The following SGSM1 variants were observed in gnomAD, a reference collection of about 807,000 sequenced individuals.
SGSM1 encodes RUN and TBC1 domain containing 2.
A neutral mutation model predicts 133.8 loss-of-function variants in SGSM1; 73 were observed. The observed-to-expected ratio is 0.55, with a 90% CI of 0.45 to 0.66. The LOEUF is 0.66. SGSM1 is among the 30% of genes least tolerant of loss of function. SGSM1 has a pLI of 0.00. For missense variants in SGSM1, 1,213 were observed against 1,448.1 expected (o/e 0.84, Z 2.64); for synonymous variants, 563 against 573.0 (o/e 0.98, Z 0.25).
chr22:24,862,818 C>T (rs534589035), intron 9 of SGSM1, among the ~76,000 whole-genome samples: 143 of 152,282 alleles, frequency 9.4e-4, no homozygotes, highest in African/African-American at 2.7e-3. Context: ...GTATGTCACT[C>T]CACCTCAATG....
intron 2 of SGSM1, among the ~76,000 whole-genome samples, chr22:24,809,384 A>G (rs1260126602): frequency 6.6e-6 from 1 of 152,218 alleles, no homozygotes; most frequent in African/African-American, 2.4e-5. Context: ...GTCTGTGTGT[A>G]TATCTGTCTT....
At chr22:24,845,370 C>T (rs935231343) in intron 3 of SGSM1, among the ~76,000 whole-genome samples, 2 of 152,134 alleles carry the variant, frequency 1.3e-5, no homozygotes, top group Admixed American at 6.5e-5. Flanking sequence ...TGAAGGATCG[C>T]GTCCATCTGG....
At chr22:24,884,302 G>T in intron 15 of SGSM1, 104 bp downstream of exon 15, 1 of 1,429,332 alleles carries the variant, frequency 7.0e-7, no homozygotes, top group Middle Eastern at 1.9e-4. Context: ...TTGAGCTGAC[G>T]TGCTTGGATT....
At chr22:24,835,592 T>C (rs1323121106) in intron 2 of SGSM1, among the ~76,000 whole-genome samples, 1 of 152,124 alleles carries the variant, frequency 6.6e-6, no homozygotes, top group East Asian at 1.9e-4. Context: ...GTTGCAATTT[T>C]AAATAGGATC....
intron 2 of SGSM1, among the ~76,000 whole-genome samples, chr22:24,832,106 G>T (rs1929154404): frequency 6.6e-6 from 1 of 152,226 alleles, no homozygotes; most frequent in Admixed American, 6.5e-5. Context: ...CAGTCCTGGG[G>T]TTTGGAGATT....
chr22:24,924,495 A>G lies in SGSM1; in HGVS notation c.*221A>G, dbSNP rs1261959905. 2 of 544,976 alleles carry G rather than the reference A, an allele frequency of 3.7e-6. No homozygotes were observed. Among genetic ancestry groups the G allele is most frequent in the East Asian group, 6.1e-5 (2 of 33,014 alleles). 33.8% of individuals were successfully genotyped at this position (544,976 alleles called of 1,614,324 possible). Reference sequence around the variant, plus strand: ...GCCTTACATTTTCCTGTTTGACCAAAGATTGCCCAAGTCTGGCGTTCCTCC... The same window carrying G: ...GCCTTACATTTTCCTGTTTGACCAAGGATTGCCCAAGTCTGGCGTTCCTCC... On this transcript the variant is annotated 3_prime_UTR_variant, in exon 25 of 25. Transcript: ENST00000400358.
At chr22:24,839,588 A>G (rs1311045685) in intron 2 of SGSM1, among the ~76,000 whole-genome samples, 2 of 152,208 alleles carry the variant, frequency 1.3e-5, no homozygotes, top group Non-Finnish European at 2.9e-5. Flanking sequence ...GTTTGGTAGA[A>G]TTCAGCAGTG....
chr22:24,851,639 G>C (rs930322511), intron 5 of SGSM1, among the ~76,000 whole-genome samples: 1 of 152,130 alleles, frequency 6.6e-6, no homozygotes, highest in Non-Finnish European at 1.5e-5. Flanking sequence ...TGAAGTTCAC[G>C]TGCTTGTAAG....
intron 2 of SGSM1, among the ~76,000 whole-genome samples, chr22:24,836,014 A>G (rs924639155): frequency 2.6e-5 from 4 of 152,226 alleles, no homozygotes; most frequent in Non-Finnish European, 5.9e-5. Context: ...TAAGTGTACA[A>G]TTCAGTCTTG....
In SGSM1 at chr22:24,876,651, T is replaced by C. The variant is rs2147886489; in HGVS notation, c.1366T>C (p.Cys456Arg). 6.2e-7 allele frequency: 1 copy of C among 1,614,020 alleles called. No homozygotes were observed. Among genetic ancestry groups the C allele is most frequent in the East Asian group, 2.2e-5 (1 of 44,876 alleles). Residue 456 changes from cysteine (C) to arginine (R), a missense_variant, in exon 13 of 25, where the codon TGT becomes CGT. By Grantham distance (180) the Cys-to-Arg change is radical. Coordinates refer to ENST00000400358, the MANE Select transcript of SGSM1 (RefSeq NM_001098497.3). Reference protein sequence around the residue: ...LWQPSPRKSSCSSCSQSGSAD... With the variant: ...LWQPSPRKSSRSSCSQSGSAD... Reference sequence around the variant, plus strand: ...GCAGCCCAGTCCCCGGAAGTCCTCCTGTTCATCCTGTTCACAGAGTGGCTC... The same window carrying C: ...GCAGCCCAGTCCCCGGAAGTCCTCCCGTTCATCCTGTTCACAGAGTGGCTC...
chr22:24,924,080 C>A, intron 24 of SGSM1, 106 bp from the exon 25 acceptor site: 1 of 960,260 alleles, frequency 1.0e-6, no homozygotes, highest in Non-Finnish European at 1.6e-6. Flanking sequence ...CTTCCTGAGT[C>A]AATCTGTGAT....
intron 12 of SGSM1, among the ~76,000 whole-genome samples, chr22:24,876,223 A>C (rs774992338): frequency 6.6e-6 from 1 of 152,154 alleles, no homozygotes; most frequent in Non-Finnish European, 1.5e-5. Flanking sequence ...AGAATCATCC[A>C]GCAGGCTCCC....
At chr22:24,864,184 G>T (rs766041610) in intron 9 of SGSM1, among the ~76,000 whole-genome samples, 1 of 152,122 alleles carries the variant, frequency 6.6e-6, no homozygotes. Context: ...ACTTGCCTCC[G>T]ATCTCAGCCC....
intron 2 of SGSM1, chr22:24,844,162 G>A (rs1334667803): frequency 6.6e-6 from 1 of 152,284 alleles, no homozygotes; most frequent in Admixed American, 6.5e-5. Context: ...CAGTGAATGA[G>A]GCAAATGAAG....
At position 24,898,062 on chromosome 22, in the gene SGSM1, A is replaced by T; in HGVS notation, c.2113A>T (p.Asn705Tyr). 6.2e-7 allele frequency: 1 copy of T among 1,613,918 alleles called. No individual in the cohort carries two copies. The highest frequency in any genetic ancestry group is 8.5e-7 in the Non-Finnish European group (1 of 1,179,866). Residue 705 changes from asparagine (N) to tyrosine (Y), a missense_variant, in exon 19 of 25, where the codon AAC (asparagine) becomes TAC (tyrosine). Coordinates refer to ENST00000400358, the MANE Select transcript of SGSM1 (RefSeq NM_001098497.3). ...QPKIPNGNLVNGTCSPDSGHP... is the reference protein window; with the variant it reads ...QPKIPNGNLVYGTCSPDSGHP... ...CAAGATCCCCAATGGGAACCTAGTG[A>T]ACGGCACTTGTTCCCCAGACTCGGG...
intron 9 of SGSM1, among the ~76,000 whole-genome samples, chr22:24,865,761 G>A (rs927497296): frequency 2.6e-5 from 4 of 152,130 alleles, no homozygotes; most frequent in Non-Finnish European, 5.9e-5. Context: ...ACTGCCATGC[G>A]GGGAGGGAGA....
At chr22:24,892,986 G>A (rs915585420) in intron 16 of SGSM1, among the ~76,000 whole-genome samples, 2 of 151,632 alleles carry the variant, frequency 1.3e-5, no homozygotes, top group Non-Finnish European at 2.9e-5. Flanking sequence ...ATTTGAACCC[G>A]GGAGGCTGCA....
chr22:24,827,982 G>T (rs1450892301), intron 2 of SGSM1, among the ~76,000 whole-genome samples: 4 of 152,006 alleles, frequency 2.6e-5, no homozygotes, highest in East Asian at 1.9e-4. Flanking sequence ...GCTGGGGAGG[G>T]ATAAAAGCCT....
intron 2 of SGSM1, among the ~76,000 whole-genome samples, chr22:24,840,940 A>G (rs558053411): frequency 6.6e-6 from 1 of 151,902 alleles, no homozygotes; most frequent in African/African-American, 2.4e-5. Flanking sequence ...AAGCTCCGCC[A>G]CCCGGGTTCA....
Sources: allele counts gnomAD v4.1 joint callset (sites outside exome capture counted in the v4.1 genomes callset), GRCh38; gene constraint gnomAD v4.1.1; transcripts MANE v1.5; gene names NCBI Gene and HGNC (gene_info 2026-07-23, HGNC 2026-07-21).